The following SUMF1 variants were observed in gnomAD, a reference collection of about 807,000 sequenced individuals.
SUMF1 encodes formylglycine-generating enzyme.
SUMF1 carries 48 observed loss-of-function variants against 47.6 expected under a neutral mutation model. The observed-to-expected ratio is 1.01, with a 90% CI of 0.80 to 1.28. SUMF1 has a LOEUF of 1.28. Among genes scored for constraint, SUMF1 ranks in the 50% most tolerant of loss-of-function variants. SUMF1 has a pLI of 0.00. For synonymous variants in SUMF1, 230 were observed against 192.1 expected, an observed-to-expected ratio of 1.20 and a Z score of -1.63; for missense variants, 571 against 485.4, an observed-to-expected ratio of 1.18 and a Z score of -1.66.
At chr3:4,198,407 C>A (rs77254313) in intron 8 of SUMF1, among the ~76,000 whole-genome samples, 1 of 152,142 alleles carries the variant, frequency 6.6e-6, no homozygotes, top group Admixed American at 6.6e-5. Context: ...TGGTTCCCAA[C>A]AGTCTCAGTT....
rs537778123 is a variant in SUMF1, at chr3:4,389,446, A to T, written c.955-13057T>A. 2.0e-5 allele frequency among the ~76,000 whole-genome samples: 3 copies of T among 151,952 alleles called. No homozygotes were observed. The South Asian group carries it at 6.2e-4, about 31-fold the overall frequency. On this transcript the variant is annotated intron_variant, in intron 7 of 8. Transcript: ENST00000272902. Reference sequence around the variant, plus strand: ...ACGGTGTCTTCTTGTAGATTTCTTCAGAATTACCCTCATTGGGGTTTGCTT... The same window carrying T: ...ACGGTGTCTTCTTGTAGATTTCTTCTGAATTACCCTCATTGGGGTTTGCTT...
chr3:4,071,454 C>T (rs556521443), intron 8 of SUMF1, among the ~76,000 whole-genome samples: 1 of 152,312 alleles, frequency 6.6e-6, no homozygotes, highest in South Asian at 2.1e-4. Flanking sequence ...AATACTGCAC[C>T]TTTCCCATGG....
At chr3:4,464,431 T>A (rs2633839) in intron 1 of SUMF1, among the ~76,000 whole-genome samples, 31,656 of 150,948 alleles carry the variant, frequency 0.21, 3,965 homozygotes, top group Non-Finnish European at 0.29. Flanking sequence ...TGTGTGTGTG[T>A]GAGAGAGAGA....
At chr3:4,382,611 A>T (rs1700540989) in intron 7 of SUMF1, among the ~76,000 whole-genome samples, 1 of 152,220 alleles carries the variant, frequency 6.6e-6, no homozygotes, top group Admixed American at 6.5e-5. Context: ...CTATAAAGAC[A>T]CATGCACACA....
intron 8 of SUMF1, among the ~76,000 whole-genome samples, chr3:4,195,175 A>C (rs1695401918): frequency 6.6e-6 from 1 of 152,132 alleles, no homozygotes; most frequent in South Asian, 2.1e-4. Context: ...TTACAAAGGA[A>C]AATTTGAAAC....
intron 8 of SUMF1, among the ~76,000 whole-genome samples, chr3:4,350,149 C>T (rs974154053): frequency 1.3e-5 from 2 of 151,670 alleles, no homozygotes. Context: ...TACAGGCATG[C>T]ACCACCACGC....
intron 1 of SUMF1, among the ~76,000 whole-genome samples, chr3:4,454,620 G>A (rs779122520): frequency 6.6e-6 from 1 of 152,044 alleles, no homozygotes; most frequent in Non-Finnish European, 1.5e-5. Context: ...GTAAAAACTT[G>A]TACAAAAACA....
intron 8 of SUMF1, among the ~76,000 whole-genome samples, chr3:4,082,932 C>T (rs555531468): frequency 3.9e-5 from 6 of 152,242 alleles, no homozygotes; most frequent in Non-Finnish European, 2.9e-5. Context: ...AAGTGCCCAG[C>T]AGATAAACGA....
intron 9 of SUMF1, among the ~76,000 whole-genome samples, chr3:4,038,290 G>C (rs1213642461): frequency 6.6e-6 from 1 of 152,132 alleles, no homozygotes; most frequent in East Asian, 1.9e-4. Flanking sequence ...CTGTGCTGTG[G>C]GCCCAAGGCA....
At position 4,135,448 on chromosome 3, in the gene SUMF1, A is replaced by C. The variant is rs543943534; in HGVS notation, c.1015-66703T>G. On this transcript the variant is annotated intron_variant and NMD_transcript_variant, in intron 8 of 12. Transcript: ENST00000448413. ...ACGTTTCATGCTAAAAACTCTCAAT[A>C]AATTAGGTATTGATGGGATGTATCT... 3.3e-5 allele frequency among the ~76,000 whole-genome samples: 5 copies of C among 151,374 alleles called. No homozygotes were observed. The South Asian group carries it at 1.0e-3, about 32-fold the overall frequency.
chr3:4,041,786 C>T (rs1694911456), intron 9 of SUMF1, among the ~76,000 whole-genome samples: 1 of 152,180 alleles, frequency 6.6e-6, no homozygotes, highest in Non-Finnish European at 1.5e-5. Flanking sequence ...AGCTATACCT[C>T]TTTTTGCCTT....
At chr3:4,313,737 C>G in intron 8 of SUMF1, 1 of 1,614,052 alleles carries the variant, frequency 6.2e-7, no homozygotes, top group Non-Finnish European at 8.5e-7. Context: ...CTGTGTTCCC[C>G]TCCTGCAAGC....
rs542347596 is a variant in SUMF1, at chr3:4,156,179, G to A, written c.1015-87434C>T. On this transcript the variant is annotated intron_variant and NMD_transcript_variant, in intron 8 of 12. Transcript: ENST00000448413. The stretch of plus-strand genomic sequence containing the variant: ...GGTTCCTGCAGAACAGAAGAAAGGA[G>A]TCATAGGAATTTTAATCTAGCCTGT... 3.3e-5 allele frequency among the ~76,000 whole-genome samples: 5 copies of A among 151,576 alleles called. No homozygotes were observed. In the South Asian group the frequency reaches 1.0e-3, roughly 31 times the overall value.
chr3:4,353,578 G>A (rs959062506), intron 8 of SUMF1, among the ~76,000 whole-genome samples: 2 of 152,160 alleles, frequency 1.3e-5, no homozygotes, highest in Non-Finnish European at 2.9e-5. Context: ...AAATATACAA[G>A]CTCATATTCT....
At chr3:4,164,449 C>G (rs1368410574) in intron 8 of SUMF1, among the ~76,000 whole-genome samples, 1 of 152,184 alleles carries the variant, frequency 6.6e-6, no homozygotes, top group Non-Finnish European at 1.5e-5. Context: ...AGAAACTTTG[C>G]CCTCTGGGGC....
chr3:4,132,015 A>G (rs1217924129), intron 8 of SUMF1, among the ~76,000 whole-genome samples: 2 of 152,124 alleles, frequency 1.3e-5, no homozygotes, highest in Admixed American at 1.3e-4. Context: ...ACCAACACTG[A>G]GCCCTTGATA....
chr3:4,159,722 A>T (rs1694533565), intron 8 of SUMF1, among the ~76,000 whole-genome samples: 1 of 152,096 alleles, frequency 6.6e-6, no homozygotes, highest in Non-Finnish European at 1.5e-5. Flanking sequence ...GCGTTTTAGC[A>T]TTTCTTATAG....
chr3:4,246,979 T>C (rs1456555262), intron 8 of SUMF1, among the ~76,000 whole-genome samples: 1 of 152,226 alleles, frequency 6.6e-6, no homozygotes, highest in Non-Finnish European at 1.5e-5. Flanking sequence ...GCCTAGAAAC[T>C]ACGCAGCTTT....
Position 4,069,912 on chromosome 3 carries a change from C to T in SUMF1, c.1015-1167G>A, listed in dbSNP as rs371478167. Among the ~76,000 whole-genome samples the T allele has an allele frequency of 2.0e-5, 3 of 152,256 alleles. No homozygotes were observed. The South Asian group carries it at 6.2e-4, about 32-fold the overall frequency. ...TCCCCTTTCCCCTTTGTTTTCCTTA[C>T]TTCCTTTTCAGATCCAGGAGATAAT... On this transcript the variant is annotated intron_variant and NMD_transcript_variant, in intron 8 of 12. Coordinates refer to the SUMF1 transcript ENST00000448413.
Sources: allele counts gnomAD v4.1 joint callset (sites outside exome capture counted in the v4.1 genomes callset), GRCh38; gene constraint gnomAD v4.1.1; transcripts MANE v1.5; gene names NCBI Gene and HGNC (gene_info 2026-07-23, HGNC 2026-07-21).